The following PHLDB2 variants were observed in gnomAD, a reference collection of about 807,000 sequenced individuals.
The protein encoded by PHLDB2 is pleckstrin homology-like domain family B member 2.
In PHLDB2, 71 loss-of-function variants were observed where a neutral mutation model predicts 123.6. The ratio of observed to expected loss-of-function variants is 0.57; its 90% CI spans 0.47 to 0.70. The LOEUF is 0.70. Ranked by LOEUF, PHLDB2 falls within the 30% of genes least tolerant of loss-of-function variation. The probability of loss-of-function intolerance (pLI) is 0.00; values close to 1 mark genes in which losing one functional copy is unlikely to be tolerated. For missense variants in PHLDB2, 1,446 were observed against 1,519.5 expected (o/e 0.95, Z 0.80); for synonymous variants, 547 against 541.6 (o/e 1.01, Z -0.14).
chr3:111,866,592 C>T (rs75277305), intron 1 of PHLDB2, among the ~76,000 whole-genome samples: 4,506 of 152,204 alleles, frequency 0.03, 182 homozygotes, highest in South Asian at 0.14. Context: ...CTCCCATACA[C>T]TCTCCTCAGC....
At chr3:111,886,367 G>A (rs1348546988) in intron 2 of PHLDB2, among the ~76,000 whole-genome samples, 2 of 152,080 alleles carry the variant, frequency 1.3e-5, no homozygotes, top group Non-Finnish European at 2.9e-5. Flanking sequence ...TGGCCTGTGG[G>A]CCGCACAAGG....
At chr3:111,899,233 A>G (rs2067049569) in intron 2 of PHLDB2, among the ~76,000 whole-genome samples, 1 of 152,234 alleles carries the variant, frequency 6.6e-6, no homozygotes, top group South Asian at 2.1e-4. Context: ...TTGAGTGACT[A>G]GGTGTGTTGT....
At chr3:111,762,423 A>G (rs963107006) in intron 1 of PHLDB2, among the ~76,000 whole-genome samples, 2 of 152,206 alleles carry the variant, frequency 1.3e-5, no homozygotes, top group African/African-American at 4.8e-5. Context: ...TGAGGTGTTT[A>G]TCCCATTTTC....
rs13317162 is a variant in PHLDB2, at chr3:111,761,227, C to T, written c.-49+28524C>T. On this transcript the variant is annotated intron_variant, in intron 1 of 17. Coordinates refer to the PHLDB2 transcript ENST00000393923. ...AAAAAAAACTAAACACATTTGAATA[C>T]TAATCCCAGCTTTGTGATCCTCCTA... Among the ~76,000 whole-genome samples the T allele has an allele frequency of 2.9e-3, 444 of 150,704 alleles. 2 individuals are homozygous for T. The highest frequency in any genetic ancestry group is 0.01 in the African/African-American group (421 of 41,172).
At chr3:111,836,384 A>G (rs1173805841) in intron 1 of PHLDB2, among the ~76,000 whole-genome samples, 1 of 152,138 alleles carries the variant, frequency 6.6e-6, no homozygotes, top group Non-Finnish European at 1.5e-5. Flanking sequence ...AACAAAAGGA[A>G]GGGTAAGTTT....
intron 2 of PHLDB2, among the ~76,000 whole-genome samples, chr3:111,849,943 G>A (rs1227487862): frequency 6.6e-6 from 1 of 151,680 alleles, no homozygotes; most frequent in South Asian, 2.1e-4. Flanking sequence ...CTCACTGCAA[G>A]CTCCGCCTCC....
At chr3:111,880,194 C>T (rs2065867591) in intron 1 of PHLDB2, among the ~76,000 whole-genome samples, 1 of 152,022 alleles carries the variant, frequency 6.6e-6, no homozygotes, top group East Asian at 1.9e-4. Flanking sequence ...GGCTTTTATG[C>T]TTTTCTCCCT....
intron 2 of PHLDB2, among the ~76,000 whole-genome samples, chr3:111,901,492 C>G (rs1216600928): frequency 6.8e-6 from 1 of 146,706 alleles, no homozygotes; most frequent in Non-Finnish European, 1.5e-5. Context: ...TAGTTCTTTA[C>G]CCACTGGTTT....
chr3:111,894,758 TG>T (rs1277492433), intron 2 of PHLDB2, among the ~76,000 whole-genome samples: 3 of 152,138 alleles, frequency 2.0e-5, no homozygotes, highest in Non-Finnish European at 2.9e-5. Context: ...TTGATAGGGT[TG>T]TTTTTTTCTT....
At chr3:111,821,533 A>G (rs939282706) in intron 1 of PHLDB2, among the ~76,000 whole-genome samples, 20 of 152,260 alleles carry the variant, frequency 1.3e-4, no homozygotes, top group African/African-American at 4.3e-4. Context: ...TTTCTTTTTG[A>G]AGGGAAATTA....
At chr3:111,885,454 AACCAGCATCT>A (rs2066105572) in intron 2 of PHLDB2, 42 bp downstream of exon 2, 5 of 1,612,830 alleles carry the variant, frequency 3.1e-6, no homozygotes, top group Middle Eastern at 1.6e-4. Context: ...CTGTTTCATT[AACCAGCATCT>A]ACAGGGCAGC....
upstream of PHLDB2, among the ~76,000 whole-genome samples, chr3:111,859,007 T>C (rs1478320657): frequency 6.6e-6 from 1 of 152,194 alleles, no homozygotes; most frequent in Non-Finnish European, 1.5e-5. Context: ...TCAAGAGATA[T>C]GATTGCAAGA....
intron 1 of PHLDB2, among the ~76,000 whole-genome samples, chr3:111,873,556 T>C (rs2065451797): frequency 6.6e-6 from 1 of 152,230 alleles, no homozygotes; most frequent in Non-Finnish European, 1.5e-5. Flanking sequence ...TATTAAACCC[T>C]TCAATTCTTT....
intron 2 of PHLDB2, among the ~76,000 whole-genome samples, chr3:111,902,079 G>C (rs182538402): frequency 6.6e-6 from 1 of 152,030 alleles, no homozygotes; most frequent in African/African-American, 2.4e-5. Flanking sequence ...CCACCCATCT[G>C]CTGGTTGATT....
intron 1 of PHLDB2, among the ~76,000 whole-genome samples, chr3:111,880,072 T>G (rs2065862088): frequency 6.6e-6 from 1 of 150,650 alleles, no homozygotes; most frequent in South Asian, 2.2e-4. Context: ...TTGAAGTCAT[T>G]TACAACATCT....
At position 111,948,993 on chromosome 3, in the gene PHLDB2, C is replaced by G. The variant is rs201249374; in HGVS notation, c.2549C>G (p.Ser850Cys). Residue 850 changes from serine (S) to cysteine (C), a missense_variant, in exon 10 of 18, where the codon TCC (serine) becomes TGC (cysteine). By Grantham distance (112) the Ser-to-Cys change is moderately radical. Coordinates refer to ENST00000431670, the MANE Select transcript of PHLDB2 (RefSeq NM_001134438.2). ...PCGNSTNLSP[S>C]TQFPADADAV... ...GGCAATTCCACGAATCTATCCCCTT[C>G]CACTCAGTTTCCTGCTGATGCTGAT... The G allele has an allele frequency of 7.2e-5, 116 of 1,613,848 alleles. No homozygotes were observed. The highest frequency in any genetic ancestry group is 9.6e-5 in the Non-Finnish European group (113 of 1,179,924).
Position 111,884,127 on chromosome 3 carries a change from G to C in PHLDB2, c.50G>C (p.Ser17Thr), listed in dbSNP as rs1225242198. 6.2e-7 allele frequency: 1 copy of C among 1,613,970 alleles called. No homozygotes were observed. The highest frequency in any genetic ancestry group is 1.3e-5 in the African/African-American group (1 of 74,910). The change falls in exon 2 of 18, where the codon AGC becomes ACC. Residue 17 changes from serine (S) to threonine (T), a missense_variant. Physicochemically the swap from Ser to Thr is moderately conservative, Grantham distance 58. Transcript: ENST00000431670. ...AAGGAGCTAGATTTACAAAATGGTA[G>C]CTTAGAGGAAGACTCTGTGGTGCAT... is the stretch of plus-strand genomic sequence containing the variant. ...IQKELDLQNG[S>T]LEEDSVVHSV...
At chr3:111,878,670 A>G (rs575472604) in intron 1 of PHLDB2, among the ~76,000 whole-genome samples, 60 of 152,314 alleles carry the variant, frequency 3.9e-4, no homozygotes, top group Non-Finnish European at 6.6e-4. Context: ...TCCATTCAGT[A>G]TGATATTGGC....
intron 1 of PHLDB2, among the ~76,000 whole-genome samples, chr3:111,870,608 T>C (rs1559877533): frequency 6.6e-6 from 1 of 152,162 alleles, no homozygotes; most frequent in African/African-American, 2.4e-5. Flanking sequence ...ACTATAAAGC[T>C]TGGAGTTTCA....
Sources: allele counts gnomAD v4.1 joint callset (sites outside exome capture counted in the v4.1 genomes callset), GRCh38; gene constraint gnomAD v4.1.1; transcripts MANE v1.5; gene names NCBI Gene and HGNC (gene_info 2026-07-23, HGNC 2026-07-21).